Variants in HPS6 observed in about 807,000 individuals in gnomAD.
HPS6 encodes the protein BLOC-2 complex member HPS6.
HPS6 carries 46 observed loss-of-function variants against 53.6 expected under a neutral mutation model. The ratio of observed to expected loss-of-function variants is 0.86; its 90% CI spans 0.68 to 1.10. The LOEUF (loss-of-function observed/expected upper bound fraction) is 1.10. HPS6 is among the 50% of genes least tolerant of loss of function. The pLI is 0.00. For missense variants in HPS6, 1,034 were observed against 991.3 expected (o/e 1.04, Z -0.58); for synonymous variants, 535 against 470.8 (o/e 1.14, Z -1.77).
At position 102,066,607 on chromosome 10, in the gene HPS6, T is replaced by G; in HGVS notation, c.1133T>G (p.Leu378Arg). The change falls in exon 1 of 1, where the codon CTT becomes CGT. Residue 378 changes from leucine to arginine, a missense_variant. Leu to Arg is a moderately radical substitution (Grantham distance 102, BLOSUM62 -2). Transcript: ENST00000299238. Reference sequence around the variant, plus strand: ...GAGACCCGAGGGAATCTTCGTCTGCTTTCAGCCTTGGGTCTGTTTTGTGTG... The same window carrying G: ...GAGACCCGAGGGAATCTTCGTCTGCGTTCAGCCTTGGGTCTGTTTTGTGTG... ...ELETRGNLRL[L>R]SALGLFCVGW... 4 of 1,614,050 alleles carry G rather than the reference T, an allele frequency of 2.5e-6. No individual in the cohort carries two copies. The highest frequency in any genetic ancestry group is 3.4e-6 in the Non-Finnish European group (4 of 1,180,044).
At position 102,067,323 on chromosome 10, in the gene HPS6, A is replaced by T; in HGVS notation, c.1849A>T (p.Thr617Ser). 6.2e-7 allele frequency: 1 copy of T among 1,613,156 alleles called. No homozygotes were observed. The highest frequency in any genetic ancestry group is 8.5e-7 in the Non-Finnish European group (1 of 1,179,866). ...TCTGGCAGTGCTAGGTGAGGAGGGG[A>T]CCAGGCCTGAGGCTCTGGAGCTAGA... Reference protein sequence around the residue: ...RALAVLGEEGTRPEALELELL... With the variant: ...RALAVLGEEGSRPEALELELL... Residue 617 changes from threonine to serine, a missense_variant, in exon 1 of 1, where the codon ACC becomes TCC. Physicochemically the swap from Thr to Ser is moderately conservative, Grantham distance 58. Transcript: ENST00000299238.
rs886046648 is a variant in HPS6, at chr10:102,065,612, G to A, written c.138G>A (p.Leu46=). ...CGGACGGCCGCCACTTGCTGCTCCT[G>A]CGACCCCCTGGGGCGGTAGCCCCAC... ...GSPDGRHLLL[L]RPPGAVAPQL... The change falls in exon 1 of 1, where the codon CTG becomes CTA. Residue 46 remains leucine (L), a synonymous_variant. Transcript: ENST00000299238. The A allele has an allele frequency of 6.5e-7, 1 of 1,550,226 alleles. No individual in the cohort carries two copies. The highest frequency in any genetic ancestry group is 8.6e-7 in the Non-Finnish European group (1 of 1,160,006).
At position 102,065,756 on chromosome 10, in the gene HPS6, G is replaced by A; in HGVS notation, c.282G>A (p.Leu94=). The A allele has an allele frequency of 6.7e-7, 1 of 1,502,460 alleles. No homozygotes were observed. Among genetic ancestry groups the A allele is most frequent in the Non-Finnish European group, 8.8e-7 (1 of 1,133,830 alleles). 93.1% of individuals were successfully genotyped at this position (1,502,460 alleles called of 1,614,324 possible). ...GGCCAGCGCGGCCGGCGCTGGTGCT[G>A]GTGTGGGAGAGTGGCCTGGCCGAGG... ...LPWPARPALV[L]VWESGLAEVW... The change falls in exon 1 of 1, where the codon CTG becomes CTA. Residue 94 remains leucine, a synonymous_variant. Coordinates refer to ENST00000299238, the MANE Select transcript of HPS6 (RefSeq NM_024747.6).
chr10:102,066,092 C>T lies in HPS6; in HGVS notation c.618C>T (p.Ala206=). ...SCRQLFLVPT[A]TTWPGVAHVL... is the part of the protein sequence containing the mutation. ...GACAACTCTTCCTGGTGCCCACTGC[C>T]ACCACCTGGCCTGGCGTGGCCCACG... is the stretch of plus-strand genomic sequence containing the variant. Residue 206 remains alanine, a synonymous_variant, in exon 1 of 1, where the codon GCC becomes GCT. Transcript: ENST00000299238. 6.2e-7 allele frequency: 1 copy of T among 1,613,296 alleles called. No individual in the cohort carries two copies.
chr10:102,066,469 T>C lies in HPS6; in HGVS notation c.995T>C (p.Leu332Ser). 6.2e-7 allele frequency: 1 copy of C among 1,614,132 alleles called. No individual in the cohort carries two copies. Among genetic ancestry groups the C allele is most frequent in the Non-Finnish European group, 8.5e-7 (1 of 1,180,000 alleles). Residue 332 changes from leucine (L) to serine (S), a missense_variant, in exon 1 of 1, where the codon TTG (leucine) becomes TCG (serine). Physicochemically the swap from Leu to Ser is moderately radical, Grantham distance 145. Transcript: ENST00000299238. ...CTGGCCTGTGTGCTGGGCTCCACAT[T>C]GGAACTGCTGGACATGGGCAGTGGG... is the stretch of plus-strand genomic sequence containing the variant. ...GTLACVLGST[L>S]ELLDMGSGQL... is the part of the protein sequence containing the mutation.
At position 102,067,710 on chromosome 10, in the gene HPS6, C is replaced by T; in HGVS notation, c.2236C>T (p.Gln746Ter). The change falls in exon 1 of 1, where the codon CAA becomes TAA. Residue 746 changes from glutamine (Q) to a stop codon, truncating the protein, a stop_gained. Transcript: ENST00000299238. LOFTEE classifies it high-confidence loss of function. Reference protein sequence around the residue: ...LKALLEQTGAQGWLSGPVLSP... With the variant: ...LKALLEQTGA The stretch of plus-strand genomic sequence containing the variant: ...AGCCCTGCTGGAGCAGACTGGGGCT[C>T]AAGGATGGCTGTCGGGCCCAGTTCT... The T allele has an allele frequency of 3.7e-6, 6 of 1,613,592 alleles. No individual in the cohort carries two copies. The highest frequency in any genetic ancestry group is 5.1e-6 in the Non-Finnish European group (6 of 1,180,008).
rs1183237348 is a variant in HPS6, at chr10:102,066,125, C to T, written c.651C>T (p.Leu217=). 3 of 1,613,750 alleles carry T rather than the reference C, an allele frequency of 1.9e-6. No individual in the cohort carries two copies. The highest frequency in any genetic ancestry group is 2.5e-6 in the Non-Finnish European group (3 of 1,180,044). Residue 217 remains leucine (L), a synonymous_variant, in exon 1 of 1, where the codon CTC becomes CTT. Transcript: ENST00000299238. ...GGCCTGGCGTGGCCCACGTTCTACT[C>T]ATCTGGAGCCCAGGCAAGGGCAAAG... ...TTWPGVAHVL[L]IWSPGKGKVM...
rs766244118 is a variant in HPS6 at position 102,067,131 on chromosome 10, G to T, written c.1657G>T (p.Ala553Ser). 1.9e-6 allele frequency: 3 copies of T among 1,614,024 alleles called. No homozygotes were observed. The highest frequency in any genetic ancestry group is 2.5e-6 in the Non-Finnish European group (3 of 1,180,022). Residue 553 changes from alanine (A) to serine (S), a missense_variant, in exon 1 of 1, where the codon GCT becomes TCT. Physicochemically the swap from Ala to Ser is moderately conservative, Grantham distance 99. Coordinates refer to ENST00000299238, the MANE Select transcript of HPS6 (RefSeq NM_024747.6). ...VWKKVLGGIT[A>S]GKEPPNGILP... The stretch of plus-strand genomic sequence containing the variant: ...GAAGAAAGTGTTAGGGGGAATAACC[G>T]CTGGAAAGGAACCCCCCAATGGAAT...
Position 102,065,426 on chromosome 10 carries a change from G to A in HPS6, c.-49G>A, listed in dbSNP as rs1025744977. 10 of 1,513,794 alleles carry A rather than the reference G, an allele frequency of 6.6e-6. No individual in the cohort carries two copies. In the African/African-American group the frequency reaches 8.6e-5, roughly 13 times the overall value. The allele number at this position is 1,513,794 out of a possible 1,614,324, so 93.8% of individuals were successfully genotyped here. A position where few individuals can be genotyped will look rare whatever the true frequency, so the allele number is the denominator to read the frequency against. Reference sequence around the variant, plus strand: ...CCGAGAATCGGGCCTCGCCCTGCTGGGCGGCTGGACCTGGGCAAAGCCTGG... The same window carrying A: ...CCGAGAATCGGGCCTCGCCCTGCTGAGCGGCTGGACCTGGGCAAAGCCTGG... On this transcript the variant is annotated 5_prime_UTR_variant, in exon 1 of 1. Transcript: ENST00000299238.
Position 102,067,107 on chromosome 10 carries a change from A to C in HPS6, c.1633A>C (p.Lys545Gln), listed in dbSNP as rs1360841596. The C allele has an allele frequency of 1.2e-6, 2 of 1,614,114 alleles. No homozygotes were observed. Among genetic ancestry groups the C allele is most frequent in the Non-Finnish European group, 1.7e-6 (2 of 1,180,012 alleles). ...LRSQAPPDVW[K>Q]KVLGGITAGK... Reference sequence around the variant, plus strand: ...GTCCCAAGCACCCCCTGATGTGTGGAAGAAAGTGTTAGGGGGAATAACCGC... The same window carrying C: ...GTCCCAAGCACCCCCTGATGTGTGGCAGAAAGTGTTAGGGGGAATAACCGC... The change falls in exon 1 of 1, where the codon AAG becomes CAG. Residue 545 changes from lysine to glutamine, a missense_variant. By Grantham distance (53) the Lys-to-Gln change is moderately conservative. Coordinates refer to ENST00000299238, the MANE Select transcript of HPS6 (RefSeq NM_024747.6).
In HPS6 at chr10:102,066,061, C is replaced by A. The variant is rs1489852740; in HGVS notation, c.587C>A (p.Ser196Tyr). The change falls in exon 1 of 1, where the codon TCC becomes TAC. Residue 196 changes from serine (S) to tyrosine (Y), a missense_variant. By Grantham distance (144) the Ser-to-Tyr change is moderately radical. Coordinates refer to ENST00000299238, the MANE Select transcript of HPS6 (RefSeq NM_024747.6). ...HHCPAFGLLA[S>Y]CRQLFLVPTA... ...TGCCCTGCCTTCGGGCTGCTGGCCTCCTGCAGACAACTCTTCCTGGTGCCC... is the reference window on the plus strand; with the variant it reads ...TGCCCTGCCTTCGGGCTGCTGGCCTACTGCAGACAACTCTTCCTGGTGCCC... The A allele has an allele frequency of 2.5e-6, 4 of 1,611,420 alleles. No individual in the cohort carries two copies.
chr10:102,067,452 G>C lies in HPS6; in HGVS notation c.1978G>C (p.Gly660Arg). 2 of 1,613,466 alleles carry C rather than the reference G, an allele frequency of 1.2e-6. No individual in the cohort carries two copies. Among genetic ancestry groups the C allele is most frequent in the South Asian group, 1.1e-5 (1 of 91,082 alleles). ...DRALDAGLAL[G>R]PSSPLLRSEI... ...GGCTCTGGATGCTGGCCTGGCCCTCGGCCCCTCCAGTCCCCTGCTTCGAAG... is the reference window on the plus strand; with the variant it reads ...GGCTCTGGATGCTGGCCTGGCCCTCCGCCCCTCCAGTCCCCTGCTTCGAAG... Residue 660 changes from glycine to arginine, a missense_variant, in exon 1 of 1, where the codon GGC becomes CGC. By Grantham distance (125) the Gly-to-Arg change is moderately radical (BLOSUM62 -2). Coordinates refer to ENST00000299238, the MANE Select transcript of HPS6 (RefSeq NM_024747.6).
chr10:102,067,800 T>C lies in HPS6; in HGVS notation c.2326T>C (p.Ter776ArgextTer38), dbSNP rs200206362. The C allele has an allele frequency of 1.1e-4, 178 of 1,612,916 alleles. No homozygotes were observed. Among genetic ancestry groups the C allele is most frequent in the Non-Finnish European group, 1.3e-4 (154 of 1,180,012 alleles). Residue 776 changes from the stop codon to arginine (R), a stop_lost, in exon 1 of 1, where the codon TGA (stop) becomes CGA (arginine). Transcript: ENST00000299238. The part of the protein sequence containing the change: ...TPPPTPPRDL[*>R] ...ACCCCCGACTCCACCTCGGGACCTA[T>C]GACTACCCTTCAGGCATCAGAACAC...
Position 102,066,833 on chromosome 10 carries a change from C to T in HPS6, c.1359C>T (p.Thr453=). The T allele has an allele frequency of 6.2e-7, 1 of 1,614,224 alleles. No individual in the cohort carries two copies. The highest frequency in any genetic ancestry group is 8.5e-7 in the Non-Finnish European group (1 of 1,180,036). Residue 453 remains threonine (T), a synonymous_variant, in exon 1 of 1, where the codon ACC becomes ACT. Coordinates refer to ENST00000299238, the MANE Select transcript of HPS6 (RefSeq NM_024747.6). ...ACCTGCCCCCATCTGCACTGCTGAC[C>T]ATGTTGAGGACCGAGCTTCGGGATT... ...QGHLPPSALL[T]MLRTELRDYR...
chr10:102,066,308 G>C lies in HPS6; in HGVS notation c.834G>C (p.Gln278His), dbSNP rs145571940. 7.6e-5 allele frequency: 122 copies of C among 1,613,926 alleles called. No individual in the cohort carries two copies. The highest frequency in any genetic ancestry group is 9.7e-5 in the Non-Finnish European group (115 of 1,180,018). The change falls in exon 1 of 1, where the codon CAG (glutamine) becomes CAC (histidine). Residue 278 changes from glutamine (Q) to histidine (H), a missense_variant. Transcript: ENST00000299238. ...TACACACCTGGGCCCCAACTCCCCA[G>C]GGCCTGCTGTTGCTTGACTTCGGGG... is the stretch of plus-strand genomic sequence containing the variant. ...LAVHTWAPTPQGLLLLDFGGT... is the reference protein window; with the variant it reads ...LAVHTWAPTPHGLLLLDFGGT...
At position 102,067,431 on chromosome 10, in the gene HPS6, C is replaced by T; in HGVS notation, c.1957C>T (p.Leu653=). 1 of 1,613,316 alleles carries T rather than the reference C, an allele frequency of 6.2e-7. No homozygotes were observed. The part of the protein sequence containing the change: ...LVQKEQWDRA[L]DAGLALGPSS... ...GCAAAAGGAACAATGGGATCGGGCT[C>T]TGGATGCTGGCCTGGCCCTCGGCCC... The change falls in exon 1 of 1, where the codon CTG becomes TTG. Residue 653 remains leucine (L), a synonymous_variant. Coordinates refer to ENST00000299238, the MANE Select transcript of HPS6 (RefSeq NM_024747.6).
In HPS6 at chr10:102,065,689, C is replaced by T. The variant is rs559316388; in HGVS notation, c.215C>T (p.Pro72Leu). Residue 72 changes from proline to leucine, a missense_variant, in exon 1 of 1, where the codon CCG becomes CTG. Coordinates refer to ENST00000299238, the MANE Select transcript of HPS6 (RefSeq NM_024747.6). The stretch of plus-strand genomic sequence containing the variant: ...GGCGCGGAGCTAGAGCGGGCCTGGC[C>T]GGCCGGCCAGCCCTCCCCGCTGGAC... The part of the protein sequence containing the change: ...GPGAELERAW[P>L]AGQPSPLDAF... 4.0e-6 allele frequency: 6 copies of T among 1,518,764 alleles called. No homozygotes were observed. The highest frequency in any genetic ancestry group is 4.0e-5 in the Admixed American group (2 of 49,390). The allele number at this position is 1,518,764 out of a possible 1,614,324, so 94.1% of individuals were successfully genotyped here.
rs1346782852 is a variant in HPS6, at chr10:102,068,035, T to C, written c.*233T>C. Reference sequence around the variant, plus strand: ...TGTTAAATATATACATAGTTTAATATATACACAGTTGTGTGTTTTTAAACA... The same window carrying C: ...TGTTAAATATATACATAGTTTAATACATACACAGTTGTGTGTTTTTAAACA... On this transcript the variant is annotated 3_prime_UTR_variant, in exon 1 of 1. Transcript: ENST00000299238. 4 of 618,038 alleles carry C rather than the reference T, an allele frequency of 6.5e-6. No individual in the cohort carries two copies. Among genetic ancestry groups the C allele is most frequent in the Non-Finnish European group, 1.2e-5 (4 of 337,770 alleles). 38.3% of individuals were successfully genotyped at this position (618,038 alleles called of 1,614,324 possible).
At position 102,066,970 on chromosome 10, in the gene HPS6, TAGG is replaced by T. The variant is rs1398937579; in HGVS notation, c.1499_1501del (p.Gly500del). The T allele has an allele frequency of 6.2e-7, 1 of 1,614,120 alleles. No homozygotes were observed. Among genetic ancestry groups the T allele is most frequent in the South Asian group, 1.1e-5 (1 of 91,088 alleles). On this transcript the variant is annotated inframe_deletion, in exon 1 of 1. Coordinates refer to ENST00000299238, the MANE Select transcript of HPS6 (RefSeq NM_024747.6). Reference sequence around the variant, plus strand: ...GCACGCCTGCTGAGGACTGAGTTGATAGGAGACCAGCTAGCCCAGCTCAACACC... The same window carrying T: ...GCACGCCTGCTGAGGACTGAGTTGATAGACCAGCTAGCCCAGCTCAACACC...
Sources: gnomAD v4.1 joint callset for allele counts on GRCh38, gnomAD v4.1.1 for gene constraint, MANE v1.5 for transcripts, NCBI Gene and HGNC (gene_info 2026-07-23, HGNC 2026-07-21) for gene names.